ENPP6: variants seen among roughly 807,000 people sequenced by gnomAD.
ENPP6 encodes glycerophosphocholine cholinephosphodiesterase ENPP6.
Under a neutral mutation model 42.0 loss-of-function variants are expected in ENPP6, and 32 were observed. That is an observed-to-expected ratio of 0.76 (90% confidence interval 0.58 to 1.02). ENPP6 has a LOEUF of 1.02. Ranked by LOEUF, ENPP6 falls within the 50% of genes least tolerant of loss-of-function variation. The pLI is 0.00. For synonymous variants in ENPP6, 213 were observed against 216.0 expected (o/e 0.99, Z 0.12); for missense variants, 552 against 566.8 (o/e 0.97, Z 0.27).
chr4:184,098,038 C>T (rs6826232), intron 6 of ENPP6, among the ~76,000 whole-genome samples: 27,039 of 152,248 alleles, frequency 0.18, 3,119 homozygotes, highest in East Asian at 0.32. Flanking sequence ...CTGCGTGCCT[C>T]ACCTCCCATG....
intron 2 of ENPP6, among the ~76,000 whole-genome samples, chr4:184,135,834 A>G (rs995152326): frequency 6.6e-6 from 1 of 152,198 alleles, no homozygotes; most frequent in African/African-American, 2.4e-5. Context: ...CCAAGGGTGA[A>G]TACTGTTCTA....
chr4:184,146,158 C>T (rs1365332528), intron 2 of ENPP6, among the ~76,000 whole-genome samples: 1 of 151,752 alleles, frequency 6.6e-6, no homozygotes, highest in Admixed American at 6.6e-5. Context: ...AACGGCCAGG[C>T]GCAGTGGCTC....
chr4:184,185,619 C>T (rs1372931679), intron 1 of ENPP6, among the ~76,000 whole-genome samples: 2 of 152,022 alleles, frequency 1.3e-5, no homozygotes, highest in Admixed American at 6.6e-5. Flanking sequence ...GTATTCTTGA[C>T]AAAAAAGGTT....
chr4:184,216,271 A>G (rs1220045910), intron 1 of ENPP6, among the ~76,000 whole-genome samples: 1 of 152,154 alleles, frequency 6.6e-6, no homozygotes, highest in East Asian at 1.9e-4. Flanking sequence ...GAATTTTGTT[A>G]ATTCTGTTTA....
chr4:184,216,100 T>C (rs1882328), intron 1 of ENPP6, among the ~76,000 whole-genome samples: 94,632 of 152,066 alleles, frequency 0.62, 30,168 homozygotes, highest in East Asian at 0.84. Context: ...TTGGGTCCCC[T>C]GGCAAGGCTC....
chr4:184,165,733 G>C (rs1737338772), intron 1 of ENPP6, among the ~76,000 whole-genome samples: 1 of 152,228 alleles, frequency 6.6e-6, no homozygotes, highest in Non-Finnish European at 1.5e-5. Context: ...TGTGGAAAGA[G>C]AGGCTCCCAA....
chr4:184,157,265 T>C (rs1439129016), intron 1 of ENPP6, among the ~76,000 whole-genome samples: 1 of 152,208 alleles, frequency 6.6e-6, no homozygotes, highest in East Asian at 1.9e-4. Flanking sequence ...TCTCTACTTG[T>C]CTGTTGTACT....
At chr4:184,188,225 T>C (rs947477002) in intron 1 of ENPP6, among the ~76,000 whole-genome samples, 29 of 152,296 alleles carry the variant, frequency 1.9e-4, no homozygotes, top group African/African-American at 6.5e-4. Flanking sequence ...ATTCTAGAAG[T>C]CCTGTCAGTT....
intron 2 of ENPP6, among the ~76,000 whole-genome samples, chr4:184,136,159 G>A (rs373009051): frequency 1.7e-4 from 26 of 149,164 alleles, no homozygotes; most frequent in African/African-American, 5.3e-4. Context: ...GGGCCCCAGC[G>A]ATGATAAAAA....
rs142291889 is a variant in ENPP6, at chr4:184,109,307, C to G, written c.993+3365G>C. Among the ~76,000 whole-genome samples the G allele has an allele frequency of 3.9e-3, 589 of 152,162 alleles. 1 individual carries two copies. The highest frequency in any genetic ancestry group is 6.1e-3 in the Non-Finnish European group (413 of 68,006). On this transcript the variant is annotated intron_variant, in intron 6 of 7. Coordinates refer to ENST00000296741, the MANE Select transcript of ENPP6 (RefSeq NM_153343.4). ...GCAGAGTCATCAGGAGAATTCGAAA[C>G]AGGAACTGGGATGCACTTAATTCAA...
rs1423429482 is a variant in ENPP6, at chr4:184,217,588, G to A, written c.232C>T (p.Leu78=). Residue 78 remains leucine (L), a synonymous_variant, in exon 1 of 8, where the codon CTA becomes TTA. Transcript: ENST00000296741. ...AGGACATGGTACTCACCAGTCATTA[G>A]GGTATAATAATTGGGATACGAGAGA... ...PSLSYPNYYT[L]MTGRHCEVHQ... 5.6e-5 allele frequency: 90 copies of A among 1,614,072 alleles called. No homozygotes were observed. The highest frequency in any genetic ancestry group is 7.3e-5 in the Non-Finnish European group (86 of 1,180,032).
chr4:184,153,187 G>A (rs1262465277), intron 2 of ENPP6, among the ~76,000 whole-genome samples: 3 of 149,184 alleles, frequency 2.0e-5, no homozygotes, highest in East Asian at 4.0e-4. Flanking sequence ...GTGCAATGGC[G>A]CAATCTCAGC....
intron 1 of ENPP6, among the ~76,000 whole-genome samples, chr4:184,174,835 A>G (rs1737535127): frequency 6.6e-6 from 1 of 152,210 alleles, no homozygotes; most frequent in African/African-American, 2.4e-5. Flanking sequence ...TCAATGACCC[A>G]ATGGCCACCT....
At chr4:184,159,110 T>G (rs1277064959) in intron 1 of ENPP6, among the ~76,000 whole-genome samples, 1 of 152,200 alleles carries the variant, frequency 6.6e-6, no homozygotes, top group African/African-American at 2.4e-5. Flanking sequence ...GCTGAATAAA[T>G]TGCATTATCT....
At chr4:184,096,442 A>C (rs2111328382) in intron 7 of ENPP6, among the ~76,000 whole-genome samples, 2 of 152,332 alleles carry the variant, frequency 1.3e-5, no homozygotes, top group Middle Eastern at 3.4e-3. Context: ...AAAGAAGGAT[A>C]GCTCATGAAC....
chr4:184,169,566 G>A (rs1052771175), intron 1 of ENPP6, among the ~76,000 whole-genome samples: 4 of 152,156 alleles, frequency 2.6e-5, no homozygotes, highest in Non-Finnish European at 4.4e-5. Context: ...TCTCTCTGCC[G>A]TCATCACGTT....
chr4:184,161,508 A>G (rs945448196), intron 1 of ENPP6, among the ~76,000 whole-genome samples: 3 of 152,224 alleles, frequency 2.0e-5, no homozygotes, highest in African/African-American at 4.8e-5. Context: ...CTACCATTCA[A>G]TCCAGCCATC....
At chr4:184,208,646 G>A (rs1048876382) in intron 1 of ENPP6, among the ~76,000 whole-genome samples, 9 of 149,492 alleles carry the variant, frequency 6.0e-5, no homozygotes, top group South Asian at 2.1e-4. Context: ...ACTGCAAGGC[G>A]GCAGCGAGGC....
chr4:184,115,918 T>A (rs1294892399), intron 5 of ENPP6, among the ~76,000 whole-genome samples: 1 of 151,938 alleles, frequency 6.6e-6, no homozygotes, highest in East Asian at 1.9e-4. Flanking sequence ...TTTGGGCCAA[T>A]AACAAAACAG....
Sources: gnomAD v4.1 joint callset for allele counts (sites outside exome capture counted in the v4.1 genomes callset) on GRCh38, gnomAD v4.1.1 for gene constraint, MANE v1.5 for transcripts, NCBI Gene and HGNC (gene_info 2026-07-23, HGNC 2026-07-21) for gene names.